KIAA1217: variants seen among roughly 807,000 people sequenced by gnomAD.
The protein encoded by KIAA1217 is KIAA1217.
Under a neutral mutation model 163.9 loss-of-function variants are expected in KIAA1217, and 88 were observed. The ratio of observed to expected loss-of-function variants is 0.54; its 90% CI spans 0.45 to 0.64. The LOEUF is 0.64. Among genes scored for constraint, KIAA1217 ranks in the 30% least tolerant of loss-of-function variants. KIAA1217 has a pLI of 0.00. For synonymous variants in KIAA1217, 903 were observed against 923.1 expected (o/e 0.98, Z 0.39); for missense variants, 2,372 against 2,475.0 (o/e 0.96, Z 0.88).
At chr10:24,333,745 A>G (rs965357286) in intron 2 of KIAA1217, among the ~76,000 whole-genome samples, 8 of 152,216 alleles carry the variant, frequency 5.3e-5, no homozygotes, top group Non-Finnish European at 1.0e-4. Flanking sequence ...TCTGATCCCT[A>G]CAAGTAAAAG....
chr10:23,851,708 A>C (rs1252448720), intron 1 of KIAA1217, among the ~76,000 whole-genome samples: 1 of 152,154 alleles, frequency 6.6e-6, no homozygotes, highest in Non-Finnish European at 1.5e-5. Flanking sequence ...TGCCATTCTA[A>C]CTGGCGTGAG....
intron 1 of KIAA1217, among the ~76,000 whole-genome samples, chr10:23,986,279 C>T (rs566682259): frequency 1.4e-4 from 22 of 152,300 alleles, no homozygotes; most frequent in African/African-American, 2.6e-4. Flanking sequence ...AGACACTGAA[C>T]GCAAACTTCA....
At position 24,546,236 on chromosome 10, in the gene KIAA1217, C is replaced by A; in HGVS notation, c.5744C>A (p.Thr1915Asn). 1 of 1,614,202 alleles carries A rather than the reference C, an allele frequency of 6.2e-7. No homozygotes were observed. Among genetic ancestry groups the A allele is most frequent in the Non-Finnish European group, 8.5e-7 (1 of 1,180,022 alleles). ...AATCAAGGTGCCAAGGGCACCAGGA[C>A]CATCCATACTCCCAGCCTCACCAGC... is the stretch of plus-strand genomic sequence containing the variant. Reference protein sequence around the residue: ...SLNQGAKGTRTIHTPSLTSYK... With the variant: ...SLNQGAKGTRNIHTPSLTSYK... Residue 1915 changes from threonine (T) to asparagine (N), a missense_variant, in exon 21 of 21, where the codon ACC becomes AAC. Thr to Asn is a moderately conservative substitution (Grantham distance 65, BLOSUM62 0). Around this residue, in one of 3 missense-constraint regions of KIAA1217, gnomAD observed 690 missense variants for 677.5 expected, o/e 1.02. Transcript: ENST00000376454.
chr10:24,452,401 C>T (rs1035005896), intron 5 of KIAA1217, among the ~76,000 whole-genome samples: 1 of 151,650 alleles, frequency 6.6e-6, no homozygotes, highest in Non-Finnish European at 1.5e-5. Context: ...CGGCCGGGCA[C>T]GGTGGTTCAC....
chr10:23,762,920 C>T (rs903283252), intron 1 of KIAA1217, among the ~76,000 whole-genome samples: 2 of 152,188 alleles, frequency 1.3e-5, no homozygotes, highest in African/African-American at 4.8e-5. Flanking sequence ...TCAACAATGT[C>T]TCAGGATATA....
At chr10:24,414,766 C>A (rs995940934) in intron 3 of KIAA1217, among the ~76,000 whole-genome samples, 6 of 152,194 alleles carry the variant, frequency 3.9e-5, no homozygotes, top group Non-Finnish European at 8.8e-5. Context: ...ATGGTTTCGC[C>A]ACCCTCAGAC....
intron 2 of KIAA1217, among the ~76,000 whole-genome samples, chr10:24,176,920 C>CTG (rs2065920912): frequency 6.6e-6 from 1 of 152,126 alleles, no homozygotes; most frequent in Non-Finnish European, 1.5e-5. Flanking sequence ...CACAGGTGGG[C>CTG]TGGCAGTGCT....
intron 5 of KIAA1217, among the ~76,000 whole-genome samples, chr10:24,440,435 G>C (rs1477494484): frequency 1.3e-5 from 2 of 152,118 alleles, no homozygotes; most frequent in Non-Finnish European, 2.9e-5. Context: ...CTATCACATA[G>C]AGCCATTTCC....
chr10:24,029,411 A>T (rs1848100994), intron 2 of KIAA1217, among the ~76,000 whole-genome samples: 1 of 152,118 alleles, frequency 6.6e-6, no homozygotes, highest in Non-Finnish European at 1.5e-5. Flanking sequence ...CATCTACTCT[A>T]AGGAGTATTC....
intron 1 of KIAA1217, among the ~76,000 whole-genome samples, chr10:23,852,579 C>G (rs7068542): frequency 0.013 from 2,000 of 152,154 alleles, 60 homozygotes; most frequent in African/African-American, 0.045. Flanking sequence ...GATGGGGATG[C>G]CATTGAATCT....
chr10:23,869,910 G>A (rs771666825), intron 1 of KIAA1217, among the ~76,000 whole-genome samples: 1 of 152,064 alleles, frequency 6.6e-6, no homozygotes, highest in African/African-American at 2.4e-5. Flanking sequence ...TCTGAGAAAG[G>A]AATTCTTCCT....
chr10:24,264,594 C>T (rs1403604175), intron 2 of KIAA1217, among the ~76,000 whole-genome samples: 4 of 152,158 alleles, frequency 2.6e-5, no homozygotes, highest in Admixed American at 6.5e-5. Flanking sequence ...CCTTCTATTC[C>T]TTCAAAGATT....
chr10:23,867,281 T>C (rs2131150988), intron 1 of KIAA1217, among the ~76,000 whole-genome samples: 1 of 152,200 alleles, frequency 6.6e-6, no homozygotes, highest in South Asian at 2.1e-4. Flanking sequence ...TCCAAGTCTT[T>C]GCTATTGTGA....
rs564608014 is a variant in KIAA1217 at position 24,011,502 on chromosome 10, A to G, written c.-171+4128A>G. 2.0e-5 allele frequency among the ~76,000 whole-genome samples: 3 copies of G among 152,158 alleles called. No homozygotes were observed. The East Asian group carries it at 5.8e-4, about 29-fold the overall frequency. The stretch of plus-strand genomic sequence containing the variant: ...ATCTTGTCTTAAAATTAAATAAATA[A>G]AATTGTCTTTTTAAAAAAAAGCAGA... On this transcript the variant is annotated intron_variant, in intron 2 of 18. Transcript: ENST00000376462.
intron 3 of KIAA1217, among the ~76,000 whole-genome samples, chr10:24,385,888 G>C (rs1591504031): frequency 1.3e-5 from 2 of 152,286 alleles, no homozygotes; most frequent in South Asian, 4.1e-4. Context: ...CTTAATGATG[G>C]AGTAGTTTCC....
chr10:23,840,572 T>TTA (rs1339036342), intron 1 of KIAA1217, among the ~76,000 whole-genome samples: 1 of 152,172 alleles, frequency 6.6e-6, no homozygotes, highest in Non-Finnish European at 1.5e-5. Context: ...TTTCTTAAAG[T>TTA]TATAGAATGT....
At chr10:23,965,289 G>T (rs1845012645) in intron 1 of KIAA1217, among the ~76,000 whole-genome samples, 1 of 152,214 alleles carries the variant, frequency 6.6e-6, no homozygotes, top group African/African-American at 2.4e-5. Context: ...GGGAAAGCGT[G>T]ACCTGCAGAT....
intron 2 of KIAA1217, among the ~76,000 whole-genome samples, chr10:24,376,160 A>C (rs2134653806): frequency 6.6e-6 from 1 of 152,376 alleles, no homozygotes; most frequent in Middle Eastern, 3.4e-3. Flanking sequence ...TGTTGCATAC[A>C]CTTGAGGACA....
At chr10:24,008,416 A>G (rs1048314274) in intron 2 of KIAA1217, among the ~76,000 whole-genome samples, 1 of 152,122 alleles carries the variant, frequency 6.6e-6, no homozygotes, top group African/African-American at 2.4e-5. Context: ...AATGATGGCA[A>G]AAGTTCCCTG....
Sources: gnomAD v4.1 joint callset for allele counts (sites outside exome capture counted in the v4.1 genomes callset) on GRCh38, gnomAD v4.1.1 for gene constraint, gnomAD v4.1.1 regional missense constraint, MANE v1.5 for transcripts, NCBI Gene and HGNC (gene_info 2026-07-23, HGNC 2026-07-21) for gene names.